The following CDKAL1 variants were observed in gnomAD, a reference collection of about 807,000 sequenced individuals.
CDKAL1 encodes CDKAL1 threonylcarbamoyladenosine tRNA methylthiotransferase, also known as threonylcarbamoyladenosine tRNA methylthiotransferase.
A neutral mutation model predicts 68.2 loss-of-function variants in CDKAL1; 32 were observed. The ratio of observed to expected loss-of-function variants is 0.47; its 90% CI spans 0.35 to 0.63. CDKAL1 has a LOEUF of 0.63. Ranked by LOEUF, CDKAL1 falls within the 30% of genes least tolerant of loss-of-function variation. CDKAL1 has a pLI of 0.00. For synonymous variants in CDKAL1, 234 were observed against 244.3 expected (o/e 0.96, Z 0.39); for missense variants, 606 against 696.7 (o/e 0.87, Z 1.47).
chr6:20,755,301 A>G (rs1273506629), intron 6 of CDKAL1, among the ~76,000 whole-genome samples: 1 of 152,174 alleles, frequency 6.6e-6, no homozygotes, highest in Non-Finnish European at 1.5e-5. Context: ...CAGTTCCAGC[A>G]GTCATCACCT....
At chr6:21,205,576 G>C (rs1778875791) in intron 15 of CDKAL1, among the ~76,000 whole-genome samples, 1 of 151,904 alleles carries the variant, frequency 6.6e-6, no homozygotes, top group Admixed American at 6.6e-5. Flanking sequence ...TGTCGCCCAG[G>C]CTGGAGTGCA....
intron 13 of CDKAL1, among the ~76,000 whole-genome samples, chr6:21,196,819 A>T (rs562213343): frequency 1.9e-4 from 29 of 152,318 alleles, no homozygotes; most frequent in African/African-American, 6.7e-4. Flanking sequence ...ACAGTCATTC[A>T]GTACAGTTGT....
intron 4 of CDKAL1, among the ~76,000 whole-genome samples, chr6:20,558,217 A>G (rs898592921): frequency 6.6e-5 from 10 of 152,326 alleles, no homozygotes; most frequent in African/African-American, 2.4e-4. Flanking sequence ...GCGAAGTACC[A>G]GTTGTGGCAG....
At chr6:21,008,561 C>T (rs943874475) in intron 11 of CDKAL1, among the ~76,000 whole-genome samples, 28 of 152,186 alleles carry the variant, frequency 1.8e-4, no homozygotes, top group African/African-American at 6.5e-4. Context: ...TATGAAAAAA[C>T]AAAAAATATT....
chr6:20,949,114 A>C (rs1764401682), intron 9 of CDKAL1, among the ~76,000 whole-genome samples: 1 of 152,220 alleles, frequency 6.6e-6, no homozygotes, highest in Non-Finnish European at 1.5e-5. Flanking sequence ...TTAAGGCAAT[A>C]AAAAATAGTG....
At chr6:21,000,493 G>T in intron 11 of CDKAL1, 121 bp downstream of exon 11, 1 of 832,768 alleles carries the variant, frequency 1.2e-6, no homozygotes, top group Admixed American at 2.6e-5. Flanking sequence ...GACTTTCGAA[G>T]CTTTCAAAGC....
At chr6:20,925,781 A>C (rs1447266077) in intron 9 of CDKAL1, among the ~76,000 whole-genome samples, 1 of 152,158 alleles carries the variant, frequency 6.6e-6, no homozygotes, top group Non-Finnish European at 1.5e-5. Context: ...CAATAGTCAA[A>C]ATATCAAGCC....
chr6:21,072,554 C>CAAAAAAAAAAAAAAAAA (rs71540611), intron 12 of CDKAL1, among the ~76,000 whole-genome samples: 3 of 44,486 alleles, frequency 6.7e-5, no homozygotes, highest in African/African-American at 8.5e-5. Flanking sequence ...GACTCCGTCT[C>CAAAAAAAAAAAAAAAAA]AAAAAAAAAA....
At position 20,677,070 on chromosome 6, in the gene CDKAL1, A is replaced by AT. The variant is rs1035311444; in HGVS notation, c.371+27701dup. ...TTTATGCCTTGTTTTTTATTTGATA[A>AT]TTTTTTTTGTGTGTGTGTGTGATAG... On this transcript the variant is annotated intron_variant, in intron 5 of 15. Transcript: ENST00000274695. Among the ~76,000 whole-genome samples the AT allele has an allele frequency of 2.3e-4, 34 of 147,272 alleles. No homozygotes were observed. The South Asian group carries it at 2.5e-3, about 11-fold the overall frequency.
intron 9 of CDKAL1, among the ~76,000 whole-genome samples, chr6:20,893,357 C>T (rs181694509): frequency 8.3e-4 from 127 of 152,214 alleles, no homozygotes; most frequent in Non-Finnish European, 1.5e-3. Context: ...ATGCTTGGTC[C>T]CCCACTGTAT....
chr6:20,788,365 C>T (rs895218349), intron 8 of CDKAL1, among the ~76,000 whole-genome samples: 9 of 152,170 alleles, frequency 5.9e-5, no homozygotes, highest in African/African-American at 2.2e-4. Context: ...ATTATAACTG[C>T]TATATTTGCA....
intron 11 of CDKAL1, among the ~76,000 whole-genome samples, chr6:21,060,286 C>G (rs1410239532): frequency 5.5e-4 from 83 of 152,020 alleles, no homozygotes; most frequent in Admixed American, 5.4e-3. Flanking sequence ...TAATTTATAT[C>G]TTTCAAAGAA....
At chr6:20,579,199 G>A (rs978360786) in intron 4 of CDKAL1, among the ~76,000 whole-genome samples, 4 of 151,790 alleles carry the variant, frequency 2.6e-5, no homozygotes, top group East Asian at 1.9e-4. Context: ...GGCTGGTCTC[G>A]AACTCCTGAC....
At chr6:20,677,710 A>G (rs1271054385) in intron 5 of CDKAL1, among the ~76,000 whole-genome samples, 1 of 152,116 alleles carries the variant, frequency 6.6e-6, no homozygotes, top group Non-Finnish European at 1.5e-5. Flanking sequence ...GCCCCCATGC[A>G]TGGCGAGAGC....
intron 9 of CDKAL1, among the ~76,000 whole-genome samples, chr6:20,874,670 T>G (rs1348625325): frequency 6.6e-6 from 1 of 151,822 alleles, no homozygotes; most frequent in Non-Finnish European, 1.5e-5. Flanking sequence ...CCCAGCTGAT[T>G]TTCTGTATTT....
intron 9 of CDKAL1, among the ~76,000 whole-genome samples, chr6:20,862,664 CGCGCGTGCAT>C (rs1278874680): frequency 5.3e-5 from 7 of 132,914 alleles, no homozygotes; most frequent in African/African-American, 5.8e-5. Flanking sequence ...TGTGTGTGTG[CGCGCGTGCAT>C]GCGCGCGTGC....
At chr6:20,726,050 T>C (rs1772639292) in intron 5 of CDKAL1, among the ~76,000 whole-genome samples, 1 of 152,058 alleles carries the variant, frequency 6.6e-6, no homozygotes, top group Non-Finnish European at 1.5e-5. Context: ...AAAATGGCCC[T>C]GCAAAGCCAT....
chr6:21,206,741 G>A (rs1163221847), intron 15 of CDKAL1, among the ~76,000 whole-genome samples: 1 of 152,064 alleles, frequency 6.6e-6, no homozygotes, highest in African/African-American at 2.4e-5. Flanking sequence ...CAACTTTCTT[G>A]ACTCACAGTG....
intron 8 of CDKAL1, among the ~76,000 whole-genome samples, chr6:20,785,076 G>T (rs1276517885): frequency 3.3e-5 from 5 of 151,954 alleles, no homozygotes; most frequent in Non-Finnish European, 7.4e-5. Context: ...TCATCCTCTT[G>T]TATCCTTCAC....
Sources: gnomAD v4.1 joint callset for allele counts (sites outside exome capture counted in the v4.1 genomes callset) on GRCh38, gnomAD v4.1.1 for gene constraint, MANE v1.5 for transcripts, NCBI Gene and HGNC (gene_info 2026-07-23, HGNC 2026-07-21) for gene names.